Variants in GRM7 observed in about 807,000 individuals in gnomAD.
The protein encoded by GRM7 is metabotropic glutamate receptor 7.
A neutral mutation model predicts 84.5 loss-of-function variants in GRM7; 35 were observed. The observed-to-expected ratio is 0.41, with a 90% CI of 0.32 to 0.55. GRM7 has a LOEUF of 0.55. Ranked by LOEUF, GRM7 falls within the 20% of genes least tolerant of loss-of-function variation. The probability of loss-of-function intolerance (pLI) is 0.19; values close to 1 mark genes in which losing one functional copy is unlikely to be tolerated. For synonymous variants in GRM7, 487 were observed against 455.1 expected, an observed-to-expected ratio of 1.07 and a Z score of -0.89; for missense variants, 1,003 against 1,194.6, an observed-to-expected ratio of 0.84 and a Z score of 2.36.
In GRM7 at chr3:6,988,129, T is replaced by TG. The variant is rs931638723; in HGVS notation, c.519+126225dup. Reference sequence around the variant, plus strand: ...CTCCTGCCTCAGCCTCCAGAGTAGCTGGGACTACAGGCGGCCACCATCACG... The same window carrying TG: ...CTCCTGCCTCAGCCTCCAGAGTAGCTGGGGACTACAGGCGGCCACCATCACG... On this transcript the variant is annotated intron_variant, in intron 1 of 9. Coordinates refer to ENST00000357716, the MANE Select transcript of GRM7 (RefSeq NM_000844.4). Among the ~76,000 whole-genome samples, 10 of 149,240 alleles carry TG rather than the reference T, an allele frequency of 6.7e-5. No individual in the cohort carries two copies. In the South Asian group the frequency reaches 1.9e-3, roughly 29 times the overall value.
chr3:7,676,159 A>G (rs999757899), intron 8 of GRM7, among the ~76,000 whole-genome samples: 4 of 152,304 alleles, frequency 2.6e-5, no homozygotes, highest in Admixed American at 2.6e-4. Context: ...GTAAAATAAT[A>G]ACCATGGGAC....
chr3:7,612,235 G>T (rs181556657), intron 8 of GRM7, among the ~76,000 whole-genome samples: 14 of 152,300 alleles, frequency 9.2e-5, no homozygotes, highest in African/African-American at 3.4e-4. Flanking sequence ...CGTGCCCTTA[G>T]TCACTTTTCT....
At chr3:7,131,045 T>C (rs556030353) in intron 1 of GRM7, among the ~76,000 whole-genome samples, 1 of 152,196 alleles carries the variant, frequency 6.6e-6, no homozygotes, top group African/African-American at 2.4e-5. Context: ...GCTAAGACTT[T>C]CCCTTCCAAA....
intron 2 of GRM7, among the ~76,000 whole-genome samples, chr3:7,244,239 A>G (rs1697670724): frequency 6.6e-6 from 1 of 152,140 alleles, no homozygotes; most frequent in Non-Finnish European, 1.5e-5. Flanking sequence ...CACTTATCTT[A>G]AAACACAGAC....
In GRM7 at chr3:7,537,189, TTC is replaced by T. The variant is rs570528652; in HGVS notation, c.1516-41226_1516-41225del. On this transcript the variant is annotated intron_variant, in intron 7 of 9. Coordinates refer to ENST00000357716, the MANE Select transcript of GRM7 (RefSeq NM_000844.4). ...GATTATACACACCTCTAAGCTTGGG[TTC>T]TCTCTCCTCTTTTGGCCCACTCTTC... 2.0e-3 allele frequency among the ~76,000 whole-genome samples: 303 copies of T among 152,200 alleles called. 1 individual carries two copies. Among genetic ancestry groups the T allele is most frequent in the Admixed American group, 3.1e-3 (47 of 15,298 alleles).
In GRM7 at chr3:7,010,878, C is replaced by G. The variant is rs545911884; in HGVS notation, c.520-135574C>G. Among the ~76,000 whole-genome samples, 285 of 152,280 alleles carry G rather than the reference C, an allele frequency of 1.9e-3. 1 individual carries two copies. Among genetic ancestry groups the G allele is most frequent in the African/African-American group, 6.4e-3 (264 of 41,550 alleles). On this transcript the variant is annotated intron_variant, in intron 1 of 9. Transcript: ENST00000357716. ...TGCCAGAAAATGGGAAAAAAGCAAA[C>G]AAATCTTTTTTCCCCTGTAGCATTG...
chr3:6,959,915 T>G (rs1366816151), intron 1 of GRM7, among the ~76,000 whole-genome samples: 1 of 152,150 alleles, frequency 6.6e-6, no homozygotes, highest in Non-Finnish European at 1.5e-5. Flanking sequence ...CTCTGTCTCT[T>G]GGACTCTTAT....
chr3:7,571,195 G>T (rs1694638394), intron 7 of GRM7, among the ~76,000 whole-genome samples: 1 of 152,146 alleles, frequency 6.6e-6, no homozygotes, highest in Admixed American at 6.5e-5. Context: ...TTGTCTCAGG[G>T]ACTAACATTT....
chr3:7,576,560 T>C (rs1694971491), intron 7 of GRM7, among the ~76,000 whole-genome samples: 1 of 152,242 alleles, frequency 6.6e-6, no homozygotes, highest in Non-Finnish European at 1.5e-5. Context: ...TCATTCAGTA[T>C]ATTAACACAA....
chr3:7,157,723 T>G (rs1184476607), intron 2 of GRM7, among the ~76,000 whole-genome samples: 3 of 152,112 alleles, frequency 2.0e-5, no homozygotes, highest in African/African-American at 4.8e-5. Context: ...CATTTTTTTT[T>G]TTTTTTAACA....
intron 8 of GRM7, among the ~76,000 whole-genome samples, chr3:7,599,862 G>A (rs971917651): frequency 1.3e-5 from 2 of 151,954 alleles, no homozygotes; most frequent in African/African-American, 4.8e-5. Context: ...ACACGGTCGT[G>A]GGGGGTGGGG....
chr3:7,369,908 A>G lies in GRM7; in HGVS notation c.1034-45115A>G, dbSNP rs114313989. 4.8e-3 allele frequency among the ~76,000 whole-genome samples: 733 copies of G among 152,120 alleles called. 6 individuals carry two copies. Among genetic ancestry groups the G allele is most frequent in the African/African-American group, 0.017 (702 of 41,502 alleles). ...TTCTGGTTTACAGTATTTTTCTATT[A>G]TTTTTCTTCTATTCCGATCTAGTCG... On this transcript the variant is annotated intron_variant, in intron 4 of 9. Transcript: ENST00000357716.
At chr3:7,630,243 A>C (rs1452572624) in intron 8 of GRM7, among the ~76,000 whole-genome samples, 1 of 152,210 alleles carries the variant, frequency 6.6e-6, no homozygotes, top group African/African-American at 2.4e-5. Flanking sequence ...CTTAGGAGAC[A>C]GACTACAGGA....
At chr3:6,878,934 C>T (rs943862791) in intron 1 of GRM7, among the ~76,000 whole-genome samples, 4 of 152,214 alleles carry the variant, frequency 2.6e-5, no homozygotes, top group South Asian at 2.1e-4. Context: ...GTCCAATGAC[C>T]ACACTTTAAA....
intron 2 of GRM7, among the ~76,000 whole-genome samples, chr3:7,228,274 A>G (rs1214222873): frequency 3.9e-5 from 6 of 152,198 alleles, no homozygotes; most frequent in African/African-American, 9.7e-5. Flanking sequence ...TTTTCAGTAC[A>G]GATATGTTTA....
At chr3:7,293,752 C>T (rs1005458788) in intron 2 of GRM7, among the ~76,000 whole-genome samples, 1 of 152,078 alleles carries the variant, frequency 6.6e-6, no homozygotes, top group Non-Finnish European at 1.5e-5. Context: ...CCATTTTTTG[C>T]TGGTAGGTAC....
chr3:7,274,237 T>C (rs1698970013), intron 2 of GRM7, among the ~76,000 whole-genome samples: 1 of 152,152 alleles, frequency 6.6e-6, no homozygotes, highest in Non-Finnish European at 1.5e-5. Flanking sequence ...CAAGCATAAA[T>C]AAACATTTGA....
intron 1 of GRM7, among the ~76,000 whole-genome samples, chr3:6,931,507 G>A (rs1351527803): frequency 2.0e-5 from 3 of 151,896 alleles, no homozygotes. Flanking sequence ...ATTAATTCCT[G>A]CCCATCCTCC....
At chr3:7,460,061 G>A (rs1392268297) in intron 6 of GRM7, among the ~76,000 whole-genome samples, 2 of 118,086 alleles carry the variant, frequency 1.7e-5, no homozygotes, top group African/African-American at 6.6e-5. Flanking sequence ...AGTTATGACA[G>A]CATCTTAACC....
Sources: gnomAD v4.1 joint callset for allele counts (sites outside exome capture counted in the v4.1 genomes callset) on GRCh38, gnomAD v4.1.1 for gene constraint, MANE v1.5 for transcripts, NCBI Gene and HGNC (gene_info 2026-07-23, HGNC 2026-07-21) for gene names.